The following MYO1A variants were observed in gnomAD, a reference collection of about 807,000 sequenced individuals.
MYO1A encodes myosin IA.
A neutral mutation model predicts 138.5 loss-of-function variants in MYO1A; 127 were observed. The observed-to-expected ratio is 0.92, with a 90% CI of 0.79 to 1.06. The LOEUF (loss-of-function observed/expected upper bound fraction) is 1.06. MYO1A is among the 50% of genes least tolerant of loss of function. MYO1A has a pLI of 0.00. For missense variants in MYO1A, 1,211 were observed against 1,288.8 expected, an observed-to-expected ratio of 0.94 and a Z score of 0.92; for synonymous variants, 477 against 497.5, an observed-to-expected ratio of 0.96 and a Z score of 0.55.
Position 57,037,998 on chromosome 12 carries a change from T to G in MYO1A, c.1832A>C (p.Tyr611Ser), listed in dbSNP as rs1350108199. 5 of 1,614,076 alleles carry G rather than the reference T, an allele frequency of 3.1e-6. No homozygotes were observed. Among genetic ancestry groups the G allele is most frequent in the Non-Finnish European group, 4.2e-6 (5 of 1,180,038 alleles). ...CCGTACGTTCTCCAGCAGTCCCAGGTACCGAGCCTGGGTTGCCACCAGGTC... is the reference window on the plus strand; with the variant it reads ...CCGTACGTTCTCCAGCAGTCCCAGGGACCGAGCCTGGGTTGCCACCAGGTC... ...SSDLVATQAR[Y>S]LGLLENVRVR... The change falls in exon 18 of 28, where the codon TAC becomes TCC. Residue 611 changes from tyrosine to serine, a missense_variant. Physicochemically the swap from Tyr to Ser is moderately radical, Grantham distance 144. Transcript: ENST00000300119.
rs79857347 is a variant in MYO1A at position 57,029,218 on chromosome 12, G to A, written c.2919C>T (p.Ser973=). ...VGSKGDFLLV[S]EHVIELLTKM... ...TGGTCAGCAGTTCAATCACATGCTCGCTGACCAGCAGGAAGTCCCCCTTGG... is the reference window on the plus strand; with the variant it reads ...TGGTCAGCAGTTCAATCACATGCTCACTGACCAGCAGGAAGTCCCCCTTGG... Residue 973 remains serine, a synonymous_variant, in exon 27 of 28, where the codon AGC becomes AGT. Coordinates refer to ENST00000300119, the MANE Select transcript of MYO1A (RefSeq NM_005379.4). 3,377 of 1,614,060 alleles carry A rather than the reference G, an allele frequency of 2.1e-3. 59 individuals carry two copies. In the African/African-American group the frequency reaches 0.038, roughly 18 times the overall value.
At chr12:57,037,833 C>G in intron 18 of MYO1A, 36 bp downstream of exon 18, 1 of 1,608,414 alleles carries the variant, frequency 6.2e-7, no homozygotes, top group Non-Finnish European at 8.5e-7. Flanking sequence ...CCTGCACTGC[C>G]CTTTCCTGAT....
chr12:57,043,746 G>A lies in MYO1A; in HGVS notation c.892+110C>T, dbSNP rs765636003. 49 of 1,434,614 alleles carry A rather than the reference G, an allele frequency of 3.4e-5. No individual in the cohort carries two copies. In the Middle Eastern group the frequency reaches 1.7e-3, roughly 48 times the overall value. 88.9% of individuals were successfully genotyped at this position (1,434,614 alleles called of 1,614,324 possible). On this transcript the variant is annotated intron_variant, in intron 10 of 27. Transcript: ENST00000300119. Reference sequence around the variant, plus strand: ...AGGGGAGAACTCAGGAGTGGGCTGAGTGGGACTGCATCAGGGTGAGATCAA... The same window carrying A: ...AGGGGAGAACTCAGGAGTGGGCTGAATGGGACTGCATCAGGGTGAGATCAA...
chr12:57,038,404 C>T lies in MYO1A; in HGVS notation c.1760+8G>A. 5 of 1,613,784 alleles carry T rather than the reference C, an allele frequency of 3.1e-6. No individual in the cohort carries two copies. Among genetic ancestry groups the T allele is most frequent in the Non-Finnish European group, 4.2e-6 (5 of 1,179,678 alleles). ...TGTAGCATGTTCCCCTGCATGCCAGCATGTCACCTGATGTAGTTGGGGCTC... is the reference window on the plus strand; with the variant it reads ...TGTAGCATGTTCCCCTGCATGCCAGTATGTCACCTGATGTAGTTGGGGCTC... On this transcript the variant is annotated splice_region_variant and intron_variant, in intron 17 of 27. Coordinates refer to ENST00000300119, the MANE Select transcript of MYO1A (RefSeq NM_005379.4).
Position 57,036,926 on chromosome 12 carries a change from T to A in MYO1A, c.2205+16A>T. 1 of 1,614,200 alleles carries A rather than the reference T, an allele frequency of 6.2e-7. No individual in the cohort carries two copies. The highest frequency in any genetic ancestry group is 8.5e-7 in the Non-Finnish European group (1 of 1,180,038). ...CTATTAGAGTGAACAGAGTGGGACT[T>A]TGGGGATGACCGTACCATGTTTCCC... On this transcript the variant is annotated intron_variant, in intron 20 of 27. Coordinates refer to ENST00000300119, the MANE Select transcript of MYO1A (RefSeq NM_005379.4).
In MYO1A at chr12:57,039,198, G is replaced by C. The variant is rs766085611; in HGVS notation, c.1332+14C>G. ...GGAAGGGGAAGTCCCACAGATAAGA[G>C]AATGACAACTCACATGCTCAATGAG... On this transcript the variant is annotated intron_variant, in intron 15 of 27. Transcript: ENST00000300119. 1.9e-6 allele frequency: 3 copies of C among 1,612,622 alleles called. No individual in the cohort carries two copies. The highest frequency in any genetic ancestry group is 1.7e-6 in the Non-Finnish European group (2 of 1,178,724).
intron 22 of MYO1A, 128 bp downstream of exon 22, chr12:57,036,179 G>A: frequency 1.1e-6 from 1 of 932,748 alleles, no homozygotes; most frequent in South Asian, 1.3e-5. Flanking sequence ...CTTCTCCTAG[G>A]ACTTAAGTAC....
intron 18 of MYO1A, 101 bp downstream of exon 18, chr12:57,037,768 C>A (rs763987678): frequency 1.3e-6 from 2 of 1,501,120 alleles, no homozygotes; most frequent in Non-Finnish European, 1.9e-6. Flanking sequence ...TATCCATTCA[C>A]CCAGCTTCAG....
chr12:57,039,507 A>G lies in MYO1A; in HGVS notation c.1270-233T>C, dbSNP rs2030760049. On this transcript the variant is annotated intron_variant, in intron 14 of 27. Coordinates refer to ENST00000300119, the MANE Select transcript of MYO1A (RefSeq NM_005379.4). The stretch of plus-strand genomic sequence containing the variant: ...ATTGGAGCAGCTGTGAGAGAGGGTG[A>G]GACAATGCAGAGATCCCTGTAGGTG... The G allele has an allele frequency of 2.4e-5, 13 of 547,816 alleles. No individual in the cohort carries two copies. The East Asian group carries it at 4.0e-4, about 17-fold the overall frequency. The allele number at this position is 547,816 out of a possible 1,614,324, so 33.9% of individuals were successfully genotyped here.
At position 57,037,928 on chromosome 12, in the gene MYO1A, G is replaced by A. The variant is rs1253441147; in HGVS notation, c.1902C>T (p.Phe634=). ...GGCTCAGCAATCGGTACCTTTCCAG[G>A]AAGGGCCCATAACCCTGGCGGTGGG... ...GYAHRQGYGP[F]LERYRLLSRS... is the part of the protein sequence containing the mutation. Residue 634 remains phenylalanine, a synonymous_variant, in exon 18 of 28, where the codon TTC becomes TTT. Coordinates refer to ENST00000300119, the MANE Select transcript of MYO1A (RefSeq NM_005379.4). 2.5e-6 allele frequency: 4 copies of A among 1,614,016 alleles called. No homozygotes were observed. Among genetic ancestry groups the A allele is most frequent in the African/African-American group, 2.7e-5 (2 of 74,906 alleles).
chr12:57,031,946 C>T (rs781427796), intron 22 of MYO1A, among the ~76,000 whole-genome samples: 3 of 152,242 alleles, frequency 2.0e-5, no homozygotes, highest in Non-Finnish European at 4.4e-5. Flanking sequence ...CTCCCTGACA[C>T]TTAAGAGCCC....
Position 57,047,621 on chromosome 12 carries a change from C to A in MYO1A, c.325+6G>T. 1 of 1,614,114 alleles carries A rather than the reference C, an allele frequency of 6.2e-7. No individual in the cohort carries two copies. The highest frequency in any genetic ancestry group is 8.5e-7 in the Non-Finnish European group (1 of 1,179,930). On this transcript the variant is annotated splice_donor_region_variant and intron_variant, in intron 4 of 27. Transcript: ENST00000300119. ...CTCCATGTGTTCCCCCAGCCAGGGG[C>A]CTCACCAGTCTTCCCTGATCCACTC...
intron 1 of MYO1A, among the ~76,000 whole-genome samples, chr12:57,049,189 G>A (rs933005190): frequency 7.2e-5 from 11 of 152,236 alleles, no homozygotes; most frequent in African/African-American, 2.4e-4. Flanking sequence ...GAACTACAGG[G>A]AGGGTGGTGG....
chr12:57,046,383 C>G (rs369953814), intron 8 of MYO1A, among the ~76,000 whole-genome samples, 169 bp downstream of exon 8: 3 of 152,030 alleles, frequency 2.0e-5, no homozygotes, highest in African/African-American at 7.3e-5. Flanking sequence ...TTGTTCCCAA[C>G]AATGAGTGGG....
At chr12:57,042,787 A>C (rs2030913682) in intron 12 of MYO1A, among the ~76,000 whole-genome samples, 1 of 152,100 alleles carries the variant, frequency 6.6e-6, no homozygotes, top group Non-Finnish European at 1.5e-5. Flanking sequence ...GCATTTCCAA[A>C]TCAGGACACT....
Position 57,043,232 on chromosome 12 carries a change from C to T in MYO1A, c.1011+8G>A, listed in dbSNP as rs1319534892. The T allele has an allele frequency of 3.7e-6, 6 of 1,614,084 alleles. No individual in the cohort carries two copies. The East Asian group carries it at 8.9e-5, about 24-fold the overall frequency. ...AAACAGCCCCCTCCACTCCAGTGAG[C>T]TCCTTACCTGCATAACATTCAGTGC... On this transcript the variant is annotated splice_region_variant and intron_variant, in intron 11 of 27. Coordinates refer to ENST00000300119, the MANE Select transcript of MYO1A (RefSeq NM_005379.4).
Position 57,028,595 on chromosome 12 carries a change from CAAG to C in MYO1A, c.*157_*159del. On this transcript the variant is annotated 3_prime_UTR_variant, in exon 28 of 28. Coordinates refer to ENST00000300119, the MANE Select transcript of MYO1A (RefSeq NM_005379.4). Reference sequence around the variant, plus strand: ...AGGAAGCTACTTTTGGAGGAGAGAACAAGAAGGGTTTGGGACAAGGGTCCTCTT... The same window carrying C: ...AGGAAGCTACTTTTGGAGGAGAGAACAAGGGTTTGGGACAAGGGTCCTCTT... The C allele has an allele frequency of 1.1e-6, 1 of 951,936 alleles. No individual in the cohort carries two copies. The highest frequency in any genetic ancestry group is 1.6e-6 in the Non-Finnish European group (1 of 642,574). The allele number at this position is 951,936 out of a possible 1,614,324, so 59.0% of individuals were successfully genotyped here. A position where few individuals can be genotyped will look rare whatever the true frequency, so the allele number is the denominator to read the frequency against.
At chr12:57,048,485 G>C in intron 1 of MYO1A, 142 bp from the exon 2 acceptor site, 2 of 666,290 alleles carry the variant, frequency 3.0e-6, no homozygotes, top group Non-Finnish European at 5.4e-6. Flanking sequence ...CCTAGGAGAG[G>C]CCTCTGGACC....
In MYO1A at chr12:57,047,966, C is replaced by A. The variant is rs1161197625; in HGVS notation, c.230+23G>T. 3.7e-6 allele frequency: 6 copies of A among 1,604,376 alleles called. No individual in the cohort carries two copies. In the South Asian group the frequency reaches 6.6e-5, roughly 18 times the overall value. On this transcript the variant is annotated intron_variant, in intron 3 of 27. Coordinates refer to ENST00000300119, the MANE Select transcript of MYO1A (RefSeq NM_005379.4). ...GTCAAGAAGCTGGGGCCCTGTCAGCCTTCCCTTGGTCCCCCTACTCACATA... is the reference window on the plus strand; with the variant it reads ...GTCAAGAAGCTGGGGCCCTGTCAGCATTCCCTTGGTCCCCCTACTCACATA...
Sources: allele counts gnomAD v4.1 joint callset (sites outside exome capture counted in the v4.1 genomes callset), GRCh38; gene constraint gnomAD v4.1.1; transcripts MANE v1.5; gene names NCBI Gene and HGNC (gene_info 2026-07-23, HGNC 2026-07-21).